OLA1: variants seen among roughly 807,000 people sequenced by gnomAD.
The protein encoded by OLA1 is obg-like ATPase 1.
A neutral mutation model predicts 48.4 loss-of-function variants in OLA1; 14 were observed. The observed-to-expected ratio is 0.29, with a 90% CI of 0.19 to 0.45. The LOEUF (loss-of-function observed/expected upper bound fraction) is 0.45. Among genes scored for constraint, OLA1 ranks in the 20% least tolerant of loss-of-function variants. The pLI is 1.00. For synonymous variants in OLA1, 127 were observed against 150.4 expected (o/e 0.84, Z 1.14); for missense variants, 325 against 467.1 (o/e 0.70, Z 2.80).
intron 4 of OLA1, among the ~76,000 whole-genome samples, chr2:174,194,230 TC>T (rs1687835448): frequency 6.6e-6 from 1 of 152,174 alleles, no homozygotes; most frequent in African/African-American, 2.4e-5. Flanking sequence ...CTCCTGGGAT[TC>T]CTACCCCATC....
intron 7 of OLA1, among the ~76,000 whole-genome samples, chr2:174,100,681 T>A (rs1181563403): frequency 6.6e-6 from 1 of 152,216 alleles, no homozygotes; most frequent in Non-Finnish European, 1.5e-5. Flanking sequence ...AAATATTTTC[T>A]ATTGAGGTAG....
At position 174,082,080 on chromosome 2, in the gene OLA1, G is replaced by A. The variant is rs764545309; in HGVS notation, c.729-16C>T. 8.7e-6 allele frequency: 14 copies of A among 1,612,166 alleles called. No homozygotes were observed. In the Admixed American group the frequency reaches 1.3e-4, roughly 15 times the overall value. ...TTTTATCAACCTGTAGACAAAAAAG[G>A]GCACAACATTATCTTGTAGTGCATG... On this transcript the variant is annotated splice_polypyrimidine_tract_variant and intron_variant, in intron 7 of 10. Coordinates refer to ENST00000284719, the MANE Select transcript of OLA1 (RefSeq NM_013341.5).
intron 4 of OLA1, among the ~76,000 whole-genome samples, chr2:174,159,102 G>C (rs1029885158): frequency 6.6e-6 from 1 of 152,058 alleles, no homozygotes; most frequent in African/African-American, 2.4e-5. Context: ...GGCTGTTTTG[G>C]CTTTTTCTTT....
At chr2:174,227,283 T>A (rs892645355) in intron 3 of OLA1, among the ~76,000 whole-genome samples, 1 of 151,946 alleles carries the variant, frequency 6.6e-6, no homozygotes, top group African/African-American at 2.4e-5. Flanking sequence ...ATAAAACAAC[T>A]GAACAAACAC....
chr2:174,184,238 T>G (rs989374908), intron 4 of OLA1, among the ~76,000 whole-genome samples: 4 of 152,174 alleles, frequency 2.6e-5, no homozygotes, highest in Non-Finnish European at 5.9e-5. Flanking sequence ...GAAAGAACAG[T>G]AACTTTGCAG....
chr2:174,176,741 AG>A (rs1687429897), intron 4 of OLA1, among the ~76,000 whole-genome samples: 1 of 152,140 alleles, frequency 6.6e-6, no homozygotes, highest in African/African-American at 2.4e-5. Flanking sequence ...AAAAAGTGGG[AG>A]GTATGGGGAT....
chr2:174,147,435 A>G (rs536348110), intron 4 of OLA1, among the ~76,000 whole-genome samples: 2 of 152,310 alleles, frequency 1.3e-5, no homozygotes, highest in East Asian at 3.9e-4. Flanking sequence ...CTCAAAAAAA[A>G]GAAAAAGAAA....
chr2:174,195,218 G>T (rs1687858010), intron 4 of OLA1, among the ~76,000 whole-genome samples: 1 of 145,778 alleles, frequency 6.9e-6, no homozygotes, highest in African/African-American at 2.6e-5. Context: ...TACACTTATT[G>T]CTATCCTTTA....
At chr2:174,170,841 C>T (rs1687283450) in intron 4 of OLA1, among the ~76,000 whole-genome samples, 1 of 152,154 alleles carries the variant, frequency 6.6e-6, no homozygotes, top group African/African-American at 2.4e-5. Flanking sequence ...AAGTTTGAGG[C>T]TGCAGTGAAC....
intron 4 of OLA1, among the ~76,000 whole-genome samples, chr2:174,212,755 C>G (rs939460685): frequency 6.6e-6 from 1 of 152,070 alleles, no homozygotes; most frequent in Admixed American, 6.6e-5. Context: ...GTAGCCTAAG[C>G]TTACACAGGG....
chr2:174,096,953 C>T (rs1685269701), intron 7 of OLA1, among the ~76,000 whole-genome samples: 1 of 152,168 alleles, frequency 6.6e-6, no homozygotes, highest in Admixed American at 6.5e-5. Flanking sequence ...GTCAGGAGTT[C>T]GAGACCAGCC....
At chr2:174,248,415 G>A (rs887316604) in intron 1 of OLA1, 37 bp downstream of exon 1, 3 of 160,808 alleles carry the variant, frequency 1.9e-5, no homozygotes, top group African/African-American at 7.2e-5. Context: ...CGAAGACCTG[G>A]CGGAGATCGC....
At chr2:174,077,147 C>T (rs1033173816) in intron 10 of OLA1, among the ~76,000 whole-genome samples, 1 of 152,080 alleles carries the variant, frequency 6.6e-6, no homozygotes, top group South Asian at 2.1e-4. Context: ...ACACGTCTAA[C>T]CAGTTCATTT....
At chr2:174,166,555 G>A (rs952407296) in intron 4 of OLA1, among the ~76,000 whole-genome samples, 8 of 152,158 alleles carry the variant, frequency 5.3e-5, no homozygotes, top group African/African-American at 1.9e-4. Context: ...CTAGGTAAAT[G>A]TTTACTTGAA....
chr2:174,160,487 A>T (rs1267271388), intron 4 of OLA1, among the ~76,000 whole-genome samples: 1 of 152,206 alleles, frequency 6.6e-6, no homozygotes, highest in Non-Finnish European at 1.5e-5. Context: ...GCTGAGATTC[A>T]AAAAAGCAAA....
At chr2:174,098,667 C>T (rs906403482) in intron 7 of OLA1, among the ~76,000 whole-genome samples, 1 of 152,090 alleles carries the variant, frequency 6.6e-6, no homozygotes, top group African/African-American at 2.4e-5. Context: ...TTTCTAAAGT[C>T]TCAGTTTTCT....
intron 4 of OLA1, chr2:174,217,815 T>C: frequency 6.6e-6 from 1 of 152,200 alleles, no homozygotes. Context: ...TCAGCATAAT[T>C]ATTTTGAGAT....
rs377105163 is a variant in OLA1, at chr2:174,166,851, T to C, written c.374-24851A>G. 1.7e-4 allele frequency among the ~76,000 whole-genome samples: 26 copies of C among 152,284 alleles called. No homozygotes were observed. In the South Asian group the frequency reaches 1.9e-3, roughly 11 times the overall value. ...GCCCCAAATTACCCTGCTAAAAGAT[T>C]GTATTAACTTTTTTAGGGTAATTTA... On this transcript the variant is annotated intron_variant, in intron 4 of 10. Coordinates refer to ENST00000284719, the MANE Select transcript of OLA1 (RefSeq NM_013341.5).
At chr2:174,100,440 T>G (rs986707539) in intron 7 of OLA1, among the ~76,000 whole-genome samples, 1 of 152,170 alleles carries the variant, frequency 6.6e-6, no homozygotes, top group Non-Finnish European at 1.5e-5. Context: ...GGTCTCACTC[T>G]GTTGCCCAGG....
Sources: allele counts gnomAD v4.1 joint callset (sites outside exome capture counted in the v4.1 genomes callset), GRCh38; gene constraint gnomAD v4.1.1; transcripts MANE v1.5; gene names NCBI Gene and HGNC (gene_info 2026-07-23, HGNC 2026-07-21).